VPS13C: variants seen among roughly 807,000 people sequenced by gnomAD.
VPS13C encodes intermembrane lipid transfer protein VPS13C.
VPS13C carries 358 observed loss-of-function variants against 456.8 expected under a neutral mutation model. That is an observed-to-expected ratio of 0.78 (90% CI 0.72 to 0.86). The LOEUF (loss-of-function observed/expected upper bound fraction) is 0.86. Among genes scored for constraint, VPS13C ranks in the 40% least tolerant of loss-of-function variants. The probability of loss-of-function intolerance (pLI) is 0.00; values close to 1 mark genes in which losing one functional copy is unlikely to be tolerated. For synonymous variants in VPS13C, 1,578 were observed against 1,486.7 expected (o/e 1.06, Z -1.41); for missense variants, 4,818 against 4,385.4 (o/e 1.10, Z -2.79).
chr15:61,914,971 G>A (rs1001176885), intron 61 of VPS13C, among the ~76,000 whole-genome samples: 6 of 150,160 alleles, frequency 4.0e-5, no homozygotes, highest in African/African-American at 9.8e-5. Flanking sequence ...GTACAAACAC[G>A]GATGGGATGT....
chr15:61,887,427 T>G (rs1057512750), intron 67 of VPS13C, among the ~76,000 whole-genome samples: 1 of 152,174 alleles, frequency 6.6e-6, no homozygotes, highest in Admixed American at 6.6e-5. Flanking sequence ...AAAGCAAATC[T>G]AGACACAGAG....
chr15:62,022,435 T>G (rs985285232), intron 8 of VPS13C, among the ~76,000 whole-genome samples: 6 of 151,916 alleles, frequency 3.9e-5, no homozygotes, highest in African/African-American at 1.4e-4. Context: ...TAATGATAAT[T>G]CTTCCACTTT....
chr15:62,000,089 C>T (rs1479605292), intron 16 of VPS13C, among the ~76,000 whole-genome samples: 1 of 152,104 alleles, frequency 6.6e-6, no homozygotes, highest in African/African-American at 2.4e-5. Flanking sequence ...TGGCCAGGCG[C>T]AGTGGCTCAC....
chr15:61,991,801 A>C lies in VPS13C; in HGVS notation c.1355T>G (p.Val452Gly). 1 of 1,607,784 alleles carries C rather than the reference A, an allele frequency of 6.2e-7. No homozygotes were observed. The highest frequency in any genetic ancestry group is 8.5e-7 in the Non-Finnish European group (1 of 1,177,564). The change falls in exon 17 of 85, where the codon GTG (valine) becomes GGG (glycine). Residue 452 changes from valine (V) to glycine (G), a missense_variant and splice_region_variant. Coordinates refer to ENST00000644861, the MANE Select transcript of VPS13C (RefSeq NM_020821.3). ...ILARQQAQVE[V>G]IRSGQKLRKK... ...CCTTAATTTTTGCCCAGACCGAATC[A>C]CCTGAAAAATAAAAATTAAAAAATT...
chr15:62,026,366 A>G (rs1439435102), intron 6 of VPS13C, among the ~76,000 whole-genome samples: 1 of 152,008 alleles, frequency 6.6e-6, no homozygotes, highest in Non-Finnish European at 1.5e-5. Context: ...AAGTCATTTC[A>G]TTATTTAATA....
intron 53 of VPS13C, among the ~76,000 whole-genome samples, chr15:61,924,626 T>C (rs1234775308): frequency 6.6e-6 from 1 of 152,234 alleles, no homozygotes; most frequent in African/African-American, 2.4e-5. Flanking sequence ...TACTACTTTA[T>C]ATATTTTTAA....
At chr15:61,900,808 C>T (rs2042974529) in intron 66 of VPS13C, among the ~76,000 whole-genome samples, 3 of 151,690 alleles carry the variant, frequency 2.0e-5, no homozygotes, top group Admixed American at 6.6e-5. Flanking sequence ...CCAAGTCAAT[C>T]CTAAGCCAAA....
Position 61,884,237 on chromosome 15 carries a change from T to G in VPS13C, c.9374A>C (p.Gln3125Pro). Residue 3125 changes from glutamine to proline, a missense_variant, in exon 68 of 85, where the codon CAG (glutamine) becomes CCG (proline). Coordinates refer to ENST00000644861, the MANE Select transcript of VPS13C (RefSeq NM_020821.3). ...SGVVWEVKPK[Q>P]KWKPFSQKQI... is the part of the protein sequence containing the mutation. ...CTTTTGACTAAATGGCTTCCATTTC[T>G]GCTTTGGTTTCACCTCCCAAACAAC... The G allele has an allele frequency of 3.7e-6, 6 of 1,611,264 alleles. No individual in the cohort carries two copies. The highest frequency in any genetic ancestry group is 5.1e-6 in the Non-Finnish European group (6 of 1,179,016).
chr15:62,035,096 C>A, intron 3 of VPS13C, 44 bp from the exon 4 acceptor site: 1 of 1,410,828 alleles, frequency 7.1e-7, no homozygotes. Context: ...TTTGACTGCT[C>A]AAGAACACAA....
intron 66 of VPS13C, among the ~76,000 whole-genome samples, chr15:61,906,123 A>C (rs2140131500): frequency 6.6e-6 from 1 of 152,296 alleles, no homozygotes; most frequent in East Asian, 1.9e-4. Context: ...ATGAGGAAAG[A>C]TCTGTGTAAA....
intron 53 of VPS13C, 53 bp from the exon 54 acceptor site, chr15:61,922,815 A>AAT: frequency 7.0e-7 from 1 of 1,426,440 alleles, no homozygotes; most frequent in Non-Finnish European, 9.3e-7. Context: ...CCCAGATGAG[A>AAT]ATATATACAT....
At chr15:61,988,520 T>C (rs181208026) in intron 18 of VPS13C, among the ~76,000 whole-genome samples, 55 of 152,258 alleles carry the variant, frequency 3.6e-4, no homozygotes, top group Non-Finnish European at 1.5e-4. Context: ...ACATAAATTC[T>C]CCCCAAATTA....
At position 61,872,276 on chromosome 15, in the gene VPS13C, G is replaced by A. The variant is rs1366306745; in HGVS notation, c.10579-242C>T. ...ATTTTATAAAAGAAACAGGAGTAAA[G>A]CAGGTAAAAGGATTTTAAATCTGGC... On this transcript the variant is annotated intron_variant, in intron 78 of 84. Coordinates refer to ENST00000644861, the MANE Select transcript of VPS13C (RefSeq NM_020821.3). Among the ~76,000 whole-genome samples, 6 of 152,264 alleles carry A rather than the reference G, an allele frequency of 3.9e-5. No individual in the cohort carries two copies. The South Asian group carries it at 1.2e-3, about 32-fold the overall frequency.
At chr15:61,946,944 A>G (rs2044627357) in intron 43 of VPS13C, among the ~76,000 whole-genome samples, 1 of 152,126 alleles carries the variant, frequency 6.6e-6, no homozygotes, top group Non-Finnish European at 1.5e-5. Flanking sequence ...CTCAGTTTCT[A>G]AAGGCATAAT....
At chr15:61,975,134 T>G (rs1202248490) in intron 24 of VPS13C, among the ~76,000 whole-genome samples, 1 of 151,978 alleles carries the variant, frequency 6.6e-6, no homozygotes, top group Non-Finnish European at 1.5e-5. Context: ...TAAAGCACTG[T>G]AGAGAGGGAA....
At chr15:61,866,633 A>G in intron 81 of VPS13C, 13 of 985,182 alleles carry the variant, frequency 1.3e-5, no homozygotes, top group Non-Finnish European at 1.4e-5. Context: ...TGCCAATGCT[A>G]AATTATCTAG....
intron 27 of VPS13C, 29 bp downstream of exon 27, chr15:61,972,596 T>C: frequency 6.2e-7 from 1 of 1,605,528 alleles, no homozygotes; most frequent in Non-Finnish European, 8.5e-7. Flanking sequence ...AGCCAGAATA[T>C]ATCTATTTAT....
chr15:61,955,668 G>A (rs1373564849), intron 37 of VPS13C, among the ~76,000 whole-genome samples: 1 of 151,966 alleles, frequency 6.6e-6, no homozygotes, highest in Non-Finnish European at 1.5e-5. Context: ...CCCAGAATAG[G>A]CAAAGATTTT....
intron 81 of VPS13C, chr15:61,865,503 T>C (rs916983911): frequency 4.1e-6 from 4 of 977,718 alleles, no homozygotes; most frequent in African/African-American, 3.5e-5. Context: ...AAAATGAGTA[T>C]TAAATGACTA....
Sources: gnomAD v4.1 joint callset for allele counts (sites outside exome capture counted in the v4.1 genomes callset) on GRCh38, gnomAD v4.1.1 for gene constraint, MANE v1.5 for transcripts, NCBI Gene and HGNC (gene_info 2026-07-23, HGNC 2026-07-21) for gene names.